CDH23: variants seen among roughly 807,000 people sequenced by gnomAD.
CDH23 encodes cadherin related 23.
CDH23 carries 189 observed loss-of-function variants against 317.1 expected under a neutral mutation model. The ratio of observed to expected loss-of-function variants is 0.60; its 90% CI spans 0.53 to 0.67. CDH23 has a LOEUF of 0.67. Among genes scored for constraint, CDH23 ranks in the 30% least tolerant of loss-of-function variants. The pLI is 0.00. For missense variants in CDH23, 4,401 were observed against 4,592.4 expected (o/e 0.96, Z 1.20); for synonymous variants, 1,839 against 1,876.8 (o/e 0.98, Z 0.52).
intron 3 of CDH23, among the ~76,000 whole-genome samples, chr10:71,471,556 G>A (rs1851511524): frequency 6.6e-6 from 1 of 152,104 alleles, no homozygotes; most frequent in South Asian, 2.1e-4. Context: ...CCAGTCTCCA[G>A]CCCAGCCACC....
At chr10:71,452,436 C>G (rs1017430074) in intron 3 of CDH23, among the ~76,000 whole-genome samples, 2 of 152,168 alleles carry the variant, frequency 1.3e-5, no homozygotes, top group Non-Finnish European at 2.9e-5. Context: ...CCTTGCCCCC[C>G]AGCACTGACA....
chr10:71,673,165 C>T (rs746425435), intron 14 of CDH23, among the ~76,000 whole-genome samples: 2 of 152,256 alleles, frequency 1.3e-5, no homozygotes, highest in Non-Finnish European at 2.9e-5. Context: ...GAAGCATCTA[C>T]TGCATGCCAG....
intron 57 of CDH23, among the ~76,000 whole-genome samples, 164 bp from the exon 58 acceptor site, chr10:71,807,113 C>T (rs924974989): frequency 6.6e-5 from 10 of 152,222 alleles, no homozygotes; most frequent in African/African-American, 2.4e-4. Flanking sequence ...GTCCGCGGGC[C>T]ATGCTTTGCT....
intron 6 of CDH23, among the ~76,000 whole-genome samples, chr10:71,558,829 G>T (rs1856991271): frequency 1.3e-5 from 2 of 152,082 alleles, no homozygotes; most frequent in African/African-American, 4.8e-5. Context: ...CCTTTTTACT[G>T]CCTGGAGCCT....
chr10:71,453,076 A>G (rs527808194), intron 3 of CDH23, among the ~76,000 whole-genome samples: 38 of 152,296 alleles, frequency 2.5e-4, no homozygotes, highest in South Asian at 1.9e-3. Context: ...TGAGGTTGGT[A>G]CACATGGAGC....
chr10:71,786,413 G>T (rs1377451671), intron 44 of CDH23, among the ~76,000 whole-genome samples: 2 of 151,644 alleles, frequency 1.3e-5, no homozygotes, highest in East Asian at 3.9e-4. Context: ...TATCGGTCTA[G>T]CCAGAGGAGA....
chr10:71,604,526 C>T (rs1175354676), intron 9 of CDH23, among the ~76,000 whole-genome samples: 2 of 152,204 alleles, frequency 1.3e-5, no homozygotes, highest in African/African-American at 4.8e-5. Flanking sequence ...CCTGCAGGAG[C>T]TCCTCAGAGC....
chr10:71,578,073 A>T, intron 9 of CDH23, 81 bp downstream of exon 9: 1 of 1,370,720 alleles, frequency 7.3e-7, no homozygotes, highest in Non-Finnish European at 1.0e-6. Context: ...TCAGGCTCTG[A>T]GGGCTAAGGA....
intron 38 of CDH23, among the ~76,000 whole-genome samples, chr10:71,775,191 G>A (rs908635843): frequency 6.6e-6 from 1 of 152,138 alleles, no homozygotes; most frequent in Admixed American, 6.5e-5. Context: ...CTGAGATCAG[G>A]TGGACACCGG....
At position 71,653,669 on chromosome 10, in the gene CDH23, C is replaced by T. The variant is rs1221666637; in HGVS notation, c.1449+7052C>T. ...ATCTATCTACTACTGCAGGAGGGAA[C>T]CTTGCTATAGGAGCAAGGCTTTGGA... is the stretch of plus-strand genomic sequence containing the variant. On this transcript the variant is annotated intron_variant, in intron 14 of 69. Coordinates refer to ENST00000224721, the MANE Select transcript of CDH23 (RefSeq NM_022124.6). Among the ~76,000 whole-genome samples, 6 of 152,182 alleles carry T rather than the reference C, an allele frequency of 3.9e-5. No individual in the cohort carries two copies. In the East Asian group the frequency reaches 1.2e-3, roughly 29 times the overall value.
chr10:71,759,051 T>C (rs928512557), intron 38 of CDH23, among the ~76,000 whole-genome samples: 11 of 151,850 alleles, frequency 7.2e-5, no homozygotes, highest in East Asian at 1.9e-4. Flanking sequence ...GGGTTGTTTT[T>C]TTTTTGAGAT....
chr10:71,572,762 G>A (rs1023208522), intron 8 of CDH23, among the ~76,000 whole-genome samples: 10 of 152,198 alleles, frequency 6.6e-5, no homozygotes, highest in Admixed American at 6.5e-4. Context: ...TCTCTATGCT[G>A]TGTAATTTTC....
At chr10:71,732,526 AG>A in intron 32 of CDH23, 151 bp downstream of exon 32, 1 of 1,346,934 alleles carries the variant, frequency 7.4e-7, no homozygotes, top group African/African-American at 1.5e-5. Context: ...CAGCTGCTTG[AG>A]AGGCTGGGGC....
intron 1 of CDH23, among the ~76,000 whole-genome samples, chr10:71,414,290 G>A (rs1848450495): frequency 6.6e-6 from 1 of 152,108 alleles, no homozygotes; most frequent in Non-Finnish European, 1.5e-5. Context: ...TCAGTCTTTT[G>A]CCATTGTGTA....
intron 22 of CDH23, among the ~76,000 whole-genome samples, chr10:71,699,525 C>T (rs1305320234): frequency 6.6e-6 from 1 of 152,228 alleles, no homozygotes; most frequent in Non-Finnish European, 1.5e-5. Context: ...TGAGGATGTC[C>T]ACCTGCACTG....
At chr10:71,758,333 AG>A (rs1474627510) in intron 38 of CDH23, among the ~76,000 whole-genome samples, 1 of 152,168 alleles carries the variant, frequency 6.6e-6, no homozygotes, top group East Asian at 1.9e-4. Context: ...TTGTATCTCC[AG>A]GGCCTAGCAG....
chr10:71,573,721 G>T (rs1040055560), intron 8 of CDH23, among the ~76,000 whole-genome samples: 1 of 152,260 alleles, frequency 6.6e-6, no homozygotes. Flanking sequence ...TCTGGGTGGT[G>T]CAGGTTTCAG....
chr10:71,495,059 G>A (rs971254057), intron 3 of CDH23, among the ~76,000 whole-genome samples: 2 of 152,172 alleles, frequency 1.3e-5, no homozygotes, highest in African/African-American at 4.8e-5. Flanking sequence ...CTGAGTGGGG[G>A]CAGGGCCTCT....
intron 14 of CDH23, among the ~76,000 whole-genome samples, chr10:71,670,886 A>G (rs373749210): frequency 6.6e-6 from 1 of 152,080 alleles, no homozygotes; most frequent in African/African-American, 2.4e-5. Context: ...TTAGATGGCA[A>G]CAGAGACACA....
Sources: gnomAD v4.1 joint callset for allele counts (sites outside exome capture counted in the v4.1 genomes callset) on GRCh38, gnomAD v4.1.1 for gene constraint, MANE v1.5 for transcripts, NCBI Gene and HGNC (gene_info 2026-07-23, HGNC 2026-07-21) for gene names.